MYT1L: variants seen among roughly 807,000 people sequenced by gnomAD.
MYT1L encodes myelin transcription factor 1 like, also known as myelin transcription factor 1-like protein.
MYT1L carries 12 observed loss-of-function variants against 126.7 expected under a neutral mutation model. That is an observed-to-expected ratio of 0.09 (90% CI 0.06 to 0.15). MYT1L has a LOEUF of 0.15. Among genes scored for constraint, MYT1L ranks in the 10% least tolerant of loss-of-function variants. The pLI, the probability that MYT1L is intolerant of heterozygous loss-of-function variation, is 1.00. For missense variants in MYT1L, 979 were observed against 1,585.2 expected (o/e 0.62, Z 6.49); for synonymous variants, 541 against 604.2 (o/e 0.90, Z 1.53).
intron 3 of MYT1L, among the ~76,000 whole-genome samples, chr2:2,150,820 G>T (rs572099065): frequency 7.7e-4 from 114 of 148,386 alleles, no homozygotes; most frequent in Non-Finnish European, 1.5e-3. Context: ...AAGAGAGGGA[G>T]TGAAGAGGAA....
intron 3 of MYT1L, among the ~76,000 whole-genome samples, chr2:2,117,412 C>G (rs2080354008): frequency 6.6e-6 from 1 of 152,178 alleles, no homozygotes; most frequent in Non-Finnish European, 1.5e-5. Flanking sequence ...TCCTGAGGGT[C>G]TCTGCAGAAT....
chr2:1,805,143 A>C (rs1178661409), intron 22 of MYT1L, among the ~76,000 whole-genome samples: 1 of 152,212 alleles, frequency 6.6e-6, no homozygotes, highest in African/African-American at 2.4e-5. Context: ...AAATAAGGTG[A>C]TCCTTGTTGG....
chr2:1,886,387 G>A (rs1042623946), intron 18 of MYT1L, 152 bp downstream of exon 18: 13 of 484,662 alleles, frequency 2.7e-5, no homozygotes, highest in African/African-American at 1.4e-4. Context: ...CTGAAATTCC[G>A]AGGATTCAAT....
In MYT1L at chr2:1,987,566, C is replaced by A. The variant is rs140539617; in HGVS notation, c.1-7789G>T. 8.3e-4 allele frequency among the ~76,000 whole-genome samples: 126 copies of A among 152,302 alleles called. 1 individual carries two copies. The highest frequency in any genetic ancestry group is 1.5e-3 in the Non-Finnish European group (100 of 68,014). Reference sequence around the variant, plus strand: ...TTCTGGGCTTATGCCTCCTGCCCACCTGCTTCAGGGATTCACGTCTGCTGC... The same window carrying A: ...TTCTGGGCTTATGCCTCCTGCCCACATGCTTCAGGGATTCACGTCTGCTGC... On this transcript the variant is annotated intron_variant, in intron 5 of 24. Coordinates refer to ENST00000647738, the MANE Select transcript of MYT1L (RefSeq NM_001303052.2).
intron 9 of MYT1L, among the ~76,000 whole-genome samples, chr2:1,932,089 G>A (rs558494133): frequency 6.6e-6 from 1 of 152,330 alleles, no homozygotes; most frequent in Admixed American, 6.5e-5. Context: ...GCCATTGATG[G>A]TGTGAGGTAA....
intron 3 of MYT1L, among the ~76,000 whole-genome samples, chr2:2,100,994 T>G (rs2150475113): frequency 6.6e-6 from 1 of 152,242 alleles, no homozygotes; most frequent in Non-Finnish European, 1.5e-5. Context: ...TGTAGCAGAG[T>G]TATCACTCCT....
rs1271981072 is a variant in MYT1L, at chr2:1,922,895, G to T, written c.874C>A (p.Gln292Lys). 1 of 1,613,968 alleles carries T rather than the reference G, an allele frequency of 6.2e-7. No individual in the cohort carries two copies. The highest frequency in any genetic ancestry group is 1.1e-5 in the South Asian group (1 of 91,064). ...DRNYADSMSQ[Q>K]DSRNMNYVML... is the part of the protein sequence containing the mutation. ...ACGTAATTCATATTTCTACTGTCTT[G>T]CTGCGACATGCTGTCTGCATAATTT... is the stretch of plus-strand genomic sequence containing the variant. The change falls in exon 10 of 25, where the codon CAA becomes AAA. Residue 292 changes from glutamine (Q) to lysine (K), a missense_variant. Gln to Lys is a moderately conservative substitution (Grantham distance 53). Coordinates refer to ENST00000647738, the MANE Select transcript of MYT1L (RefSeq NM_001303052.2). The surrounding 1 kb of genome is among the most constrained non-coding windows in gnomAD (Gnocchi z 7.4).
chr2:1,815,560 C>G (rs773377804), intron 21 of MYT1L, among the ~76,000 whole-genome samples: 1 of 152,250 alleles, frequency 6.6e-6, no homozygotes, highest in African/African-American at 2.4e-5. Context: ...AGTGTCCTGC[C>G]TCTCAGTTGT....
chr2:2,112,540 G>T (rs1383716500), intron 3 of MYT1L, among the ~76,000 whole-genome samples: 1 of 152,156 alleles, frequency 6.6e-6, no homozygotes, highest in Non-Finnish European at 1.5e-5. Flanking sequence ...GTAGCCACGT[G>T]GTGACCTGGT....
At chr2:2,019,731 A>G (rs2149817381) in intron 4 of MYT1L, among the ~76,000 whole-genome samples, 1 of 152,342 alleles carries the variant, frequency 6.6e-6, no homozygotes, top group Non-Finnish European at 1.5e-5. Context: ...CCACACCCTT[A>G]GTCCTACTAC....
intron 9 of MYT1L, among the ~76,000 whole-genome samples, chr2:1,934,962 G>A (rs1421949719): frequency 6.6e-6 from 1 of 152,114 alleles, no homozygotes; most frequent in African/African-American, 2.4e-5. Context: ...AGATTGGGAG[G>A]GAAATTGAGA....
At chr2:2,313,262 T>C (rs77019438) in intron 1 of MYT1L, among the ~76,000 whole-genome samples, 8 of 148,262 alleles carry the variant, frequency 5.4e-5, no homozygotes, top group Non-Finnish European at 1.2e-4. Flanking sequence ...TCTCAGCTGA[T>C]AAAAAAAAAA....
chr2:2,279,007 C>T (rs553904913), intron 2 of MYT1L, among the ~76,000 whole-genome samples: 8 of 152,268 alleles, frequency 5.3e-5, no homozygotes, highest in East Asian at 3.9e-4. Context: ...CCCCTCCCCA[C>T]GAGCCTGTGT....
intron 4 of MYT1L, among the ~76,000 whole-genome samples, chr2:2,022,079 GCTGCACTTCCCTCGGGCAAGTGGGT>G (rs995160453): frequency 6.6e-6 from 1 of 152,162 alleles, no homozygotes; most frequent in Admixed American, 6.5e-5. Flanking sequence ...GTGTATGTCT[GCTGCACTTCCCTCGGGCAAGTGGGT>G]GCAGCACACT....
chr2:1,860,075 G>T (rs1223571551), intron 18 of MYT1L, among the ~76,000 whole-genome samples: 1 of 152,274 alleles, frequency 6.6e-6, no homozygotes, highest in East Asian at 1.9e-4. Context: ...TGCTGCCCTC[G>T]TTGCCAACAC....
intron 2 of MYT1L, among the ~76,000 whole-genome samples, chr2:2,192,337 T>C (rs527912101): frequency 9.8e-5 from 15 of 152,346 alleles, no homozygotes; most frequent in African/African-American, 3.6e-4. Context: ...GTAAAGTTTC[T>C]AGGATAATGA....
chr2:1,947,147 T>C (rs1355523905), intron 8 of MYT1L, among the ~76,000 whole-genome samples: 1 of 151,934 alleles, frequency 6.6e-6, no homozygotes, highest in African/African-American at 2.4e-5. Flanking sequence ...TGAGTCCCGA[T>C]TGCTGGGAAG....
intron 2 of MYT1L, among the ~76,000 whole-genome samples, chr2:2,215,295 G>A (rs749069655): frequency 1.3e-5 from 2 of 151,976 alleles, no homozygotes; most frequent in Non-Finnish European, 2.9e-5. Flanking sequence ...TAACTCTATC[G>A]CCTACAGAAA....
At chr2:2,053,905 T>C (rs747880429) in intron 4 of MYT1L, 73 bp downstream of exon 4, 6 of 152,696 alleles carry the variant, frequency 3.9e-5, no homozygotes, top group Admixed American at 6.5e-5. Flanking sequence ...AAGTAACATA[T>C]TTTAAGGTAA....
Sources: gnomAD v4.1 joint callset for allele counts (sites outside exome capture counted in the v4.1 genomes callset) on GRCh38, gnomAD v4.1.1 for gene constraint, Gnocchi (gnomAD v3.1) non-coding constraint, MANE v1.5 for transcripts, NCBI Gene and HGNC (gene_info 2026-07-23, HGNC 2026-07-21) for gene names.